CSMD1: variants seen among roughly 807,000 people sequenced by gnomAD.
CSMD1 encodes CUB and Sushi multiple domains 1, also known as CUB and sushi domain-containing protein 1.
In CSMD1, 213 loss-of-function variants were observed where a neutral mutation model predicts 417.5. The ratio of observed to expected loss-of-function variants is 0.51; its 90% CI spans 0.46 to 0.57. The LOEUF (loss-of-function observed/expected upper bound fraction) is 0.57. Among genes scored for constraint, CSMD1 ranks in the 20% least tolerant of loss-of-function variants. The pLI is 0.00. For synonymous variants in CSMD1, 2,862 were observed against 1,736.8 expected (o/e 1.65, Z -16.11); for missense variants, 6,923 against 4,529.7 (o/e 1.53, Z -15.17).
At chr8:3,651,833 C>G (rs536959721) in intron 7 of CSMD1, among the ~76,000 whole-genome samples, 95 of 151,692 alleles carry the variant, frequency 6.3e-4, no homozygotes, top group Admixed American at 1.3e-3. Context: ...CCACCACCAT[C>G]AGAGCACCCA....
chr8:4,471,650 G>A (rs1410397678), intron 2 of CSMD1, among the ~76,000 whole-genome samples: 1 of 152,048 alleles, frequency 6.6e-6, no homozygotes. Flanking sequence ...GGAAAGAACT[G>A]GGAATGCTCA....
At chr8:4,083,686 C>G (rs1425709995) in intron 3 of CSMD1, among the ~76,000 whole-genome samples, 2 of 152,144 alleles carry the variant, frequency 1.3e-5, no homozygotes, top group African/African-American at 4.8e-5. Context: ...ATACAAAAAT[C>G]AATTCAAGAT....
intron 26 of CSMD1, among the ~76,000 whole-genome samples, chr8:3,249,477 G>A (rs987923852): frequency 6.6e-6 from 1 of 152,104 alleles, no homozygotes; most frequent in South Asian, 2.1e-4. Flanking sequence ...GCCCACCTTG[G>A]CCTCCCAAAA....
At position 3,678,112 on chromosome 8, in the gene CSMD1, C is replaced by G. The variant is rs7465527; in HGVS notation, c.1009+30302G>C. Among the ~76,000 whole-genome samples the G allele has an allele frequency of 5.9e-5, 9 of 152,020 alleles. No homozygotes were observed. The South Asian group carries it at 1.9e-3, about 32-fold the overall frequency. ...TCTACAGCTCCCAGAGTGAGCGACG[C>G]AGAAGACAGGTGATTTCTGCATTTC... On this transcript the variant is annotated intron_variant, in intron 7 of 69. Coordinates refer to ENST00000635120, the MANE Select transcript of CSMD1 (RefSeq NM_033225.6).
At chr8:4,025,629 T>A (rs1797021994) in intron 4 of CSMD1, among the ~76,000 whole-genome samples, 1 of 152,138 alleles carries the variant, frequency 6.6e-6, no homozygotes, top group Non-Finnish European at 1.5e-5. Flanking sequence ...GCCAATAATA[T>A]ACAATGAATA....
chr8:3,225,033 A>G (rs1488215052), intron 27 of CSMD1, among the ~76,000 whole-genome samples: 1 of 152,230 alleles, frequency 6.6e-6, no homozygotes, highest in Non-Finnish European at 1.5e-5. Context: ...TTGGTCACAC[A>G]TGCACTAAAA....
intron 2 of CSMD1, among the ~76,000 whole-genome samples, chr8:4,579,813 T>A (rs1191638993): frequency 6.6e-6 from 1 of 152,198 alleles, no homozygotes; most frequent in Non-Finnish European, 1.5e-5. Context: ...GTGTTCCATG[T>A]TTCTGTTAAA....
intron 10 of CSMD1, among the ~76,000 whole-genome samples, chr8:3,566,296 A>G (rs1799705193): frequency 6.6e-6 from 1 of 152,170 alleles, no homozygotes; most frequent in Admixed American, 6.5e-5. Context: ...AGGACTTAGT[A>G]TTTGGCAAAT....
intron 20 of CSMD1, among the ~76,000 whole-genome samples, chr8:3,362,236 T>G (rs1459990179): frequency 6.6e-6 from 1 of 152,206 alleles, no homozygotes; most frequent in Non-Finnish European, 1.5e-5. Context: ...TGGTTATCAT[T>G]AGCACAAATT....
intron 26 of CSMD1, among the ~76,000 whole-genome samples, chr8:3,233,303 TAGGA>T (rs1379102974): frequency 3.3e-5 from 5 of 152,186 alleles, no homozygotes; most frequent in African/African-American, 1.2e-4. Flanking sequence ...GGTGACTTTA[TAGGA>T]AGAGTGACCT....
intron 2 of CSMD1, among the ~76,000 whole-genome samples, chr8:4,431,793 T>G (rs1383425273): frequency 1.3e-5 from 2 of 152,086 alleles, no homozygotes; most frequent in Non-Finnish European, 2.9e-5. Flanking sequence ...ATGTAGCAAA[T>G]GCTTAATAAG....
At position 3,986,614 on chromosome 8, in the gene CSMD1, A is replaced by G. The variant is rs182041023; in HGVS notation, c.818+11289T>C. Reference sequence around the variant, plus strand: ...TATTTTTTCCCAAGCCATGCAACATACCTAAATCATGATTTTCCTAAAGTA... The same window carrying G: ...TATTTTTTCCCAAGCCATGCAACATGCCTAAATCATGATTTTCCTAAAGTA... On this transcript the variant is annotated intron_variant, in intron 5 of 69. Coordinates refer to ENST00000635120, the MANE Select transcript of CSMD1 (RefSeq NM_033225.6). Among the ~76,000 whole-genome samples, 24 of 152,244 alleles carry G rather than the reference A, an allele frequency of 1.6e-4. No individual in the cohort carries two copies. In the East Asian group the frequency reaches 4.6e-3, roughly 29 times the overall value.
chr8:3,815,909 G>C (rs1384264922), intron 5 of CSMD1, among the ~76,000 whole-genome samples: 1 of 152,118 alleles, frequency 6.6e-6, no homozygotes, highest in African/African-American at 2.4e-5. Context: ...AGAGTAAATA[G>C]AAAGAGGAAA....
intron 3 of CSMD1, among the ~76,000 whole-genome samples, chr8:4,124,520 G>C (rs1370302848): frequency 2.0e-5 from 3 of 152,180 alleles, no homozygotes; most frequent in Non-Finnish European, 4.4e-5. Context: ...GTGTCTTCAA[G>C]TATCAAAGCC....
intron 12 of CSMD1, among the ~76,000 whole-genome samples, chr8:3,431,056 G>C (rs1814189864): frequency 6.6e-6 from 1 of 152,058 alleles, no homozygotes; most frequent in Non-Finnish European, 1.5e-5. Context: ...AATGGATTCT[G>C]GGAAATGCAG....
intron 23 of CSMD1, among the ~76,000 whole-genome samples, chr8:3,314,127 G>C (rs909461130): frequency 6.6e-6 from 1 of 151,890 alleles, no homozygotes; most frequent in Non-Finnish European, 1.5e-5. Context: ...TTGTGGGGTG[G>C]GGGGAGTGGG....
At chr8:4,915,679 G>A (rs1360278859) in intron 1 of CSMD1, among the ~76,000 whole-genome samples, 4 of 152,188 alleles carry the variant, frequency 2.6e-5, no homozygotes, top group Admixed American at 6.5e-5. Flanking sequence ...AGCGCCCGGC[G>A]GCAGTGGATT....
chr8:3,152,744 G>A (rs1265871401), intron 39 of CSMD1, among the ~76,000 whole-genome samples: 1 of 152,206 alleles, frequency 6.6e-6, no homozygotes, highest in African/African-American at 2.4e-5. Context: ...GCTATTTAAA[G>A]TATAACCTCT....
At chr8:3,460,528 A>T (rs1295024000) in intron 12 of CSMD1, among the ~76,000 whole-genome samples, 3 of 152,124 alleles carry the variant, frequency 2.0e-5, no homozygotes, top group Admixed American at 6.5e-5. Flanking sequence ...AGAGTTTAGT[A>T]GCGGGGAGAA....
Sources: gnomAD v4.1 joint callset for allele counts (sites outside exome capture counted in the v4.1 genomes callset) on GRCh38, gnomAD v4.1.1 for gene constraint, MANE v1.5 for transcripts, NCBI Gene and HGNC (gene_info 2026-07-23, HGNC 2026-07-21) for gene names.